Variants in TXNDC15 observed in about 807,000 individuals in gnomAD.
The protein encoded by TXNDC15 is thioredoxin domain-containing protein 15.
Under a neutral mutation model 35.0 loss-of-function variants are expected in TXNDC15, and 24 were observed. The ratio of observed to expected loss-of-function variants is 0.68; its 90% CI spans 0.50 to 0.96. TXNDC15 has a LOEUF of 0.96. Among genes scored for constraint, TXNDC15 ranks in the 40% least tolerant of loss-of-function variants. The pLI, the probability that TXNDC15 is intolerant of heterozygous loss-of-function variation, is 0.00. For synonymous variants in TXNDC15, 169 were observed against 174.0 expected, an observed-to-expected ratio of 0.97 and a Z score of 0.23; for missense variants, 385 against 453.3, an observed-to-expected ratio of 0.85 and a Z score of 1.37.
chr5:134,896,215 T>C, intron 3 of TXNDC15, 79 bp from the exon 4 acceptor site: 2 of 1,492,756 alleles, frequency 1.3e-6, no homozygotes, highest in Non-Finnish European at 1.8e-6. Flanking sequence ...TTTATTTCTG[T>C]CTATTCTGAG....
At chr5:134,879,413 TGAA>T (rs1750098056) in intron 1 of TXNDC15, among the ~76,000 whole-genome samples, 1 of 152,220 alleles carries the variant, frequency 6.6e-6, no homozygotes, top group Non-Finnish European at 1.5e-5. Context: ...AGCAAATCTC[TGAA>T]GAACTGTGGT....
chr5:134,874,354 C>T, upstream of TXNDC15: 2 of 1,331,622 alleles, frequency 1.5e-6, no homozygotes, highest in East Asian at 2.8e-5. Flanking sequence ...CTCCCAGGCT[C>T]TCCTCCCCCA....
intron 1 of TXNDC15, among the ~76,000 whole-genome samples, chr5:134,883,381 C>T (rs965215395): frequency 1.1e-4 from 17 of 151,680 alleles, no homozygotes; most frequent in Non-Finnish European, 1.9e-4. Flanking sequence ...TGAGTGAGAT[C>T]GTGCCACTGC....
In TXNDC15 at chr5:134,901,188, G is replaced by C. The variant is rs1189451889; in HGVS notation, c.*1503G>C. The C allele has an allele frequency of 6.6e-6, 1 of 152,174 alleles. No individual in the cohort carries two copies. The highest frequency in any genetic ancestry group is 6.5e-5 in the Admixed American group (1 of 15,268). The allele number at this position is 152,174 out of a possible 1,614,324, so 9.4% of individuals were successfully genotyped here. On this transcript the variant is annotated 3_prime_UTR_variant, in exon 5 of 5. Coordinates refer to ENST00000358387, the MANE Select transcript of TXNDC15 (RefSeq NM_024715.4). ...ATTACTTTTATACTAATTGTTTCCA[G>C]GGTTTTAGAGTAGTTGAATGTTTAT...
chr5:134,874,230 G>A (rs1048787468), upstream of TXNDC15: 25 of 550,812 alleles, frequency 4.5e-5, no homozygotes, highest in African/African-American at 1.8e-4. Context: ...AGCTCCTAAA[G>A]AGGTCTCCAG....
intron 1 of TXNDC15, among the ~76,000 whole-genome samples, chr5:134,878,953 C>G (rs112584020): frequency 3.3e-5 from 5 of 152,172 alleles, no homozygotes; most frequent in Non-Finnish European, 5.9e-5. Context: ...GAGCTGAGAT[C>G]GTGCCACTGC....
At chr5:134,890,876 T>A (rs984329347) in intron 2 of TXNDC15, among the ~76,000 whole-genome samples, 1 of 152,254 alleles carries the variant, frequency 6.6e-6, no homozygotes, top group Non-Finnish European at 1.5e-5. Context: ...CTAAATCCTT[T>A]GTCGTCATTT....
chr5:134,892,074 G>C (rs192741774), intron 2 of TXNDC15: 42 of 152,190 alleles, frequency 2.8e-4, no homozygotes, highest in Middle Eastern at 3.4e-3. Context: ...CCAATAGAAG[G>C]CTGTCTTATC....
Position 134,900,312 on chromosome 5 carries a change from A to G in TXNDC15, c.*627A>G, listed in dbSNP as rs1241319908. On this transcript the variant is annotated 3_prime_UTR_variant, in exon 5 of 5. Coordinates refer to ENST00000358387, the MANE Select transcript of TXNDC15 (RefSeq NM_024715.4). ...CTGTAACTAAAGCTCAATTATTATCAGTTCTATGCTAACGTATACATTTTA... is the reference window on the plus strand; with the variant it reads ...CTGTAACTAAAGCTCAATTATTATCGGTTCTATGCTAACGTATACATTTTA... 1 of 152,326 alleles carries G rather than the reference A, an allele frequency of 6.6e-6. No homozygotes were observed. The highest frequency in any genetic ancestry group is 2.4e-5 in the African/African-American group (1 of 41,470). The allele number at this position is 152,326 out of a possible 1,614,324, so 9.4% of individuals were successfully genotyped here.
intron 2 of TXNDC15, among the ~76,000 whole-genome samples, chr5:134,889,531 T>C (rs936938195): frequency 2.3e-4 from 35 of 152,220 alleles, no homozygotes; most frequent in African/African-American, 7.5e-4. Context: ...GCTAGGACAG[T>C]GTACTCTTGA....
At chr5:134,893,678 A>G (rs2150189640) in intron 3 of TXNDC15, 23 bp downstream of exon 3, 1 of 1,613,428 alleles carries the variant, frequency 6.2e-7, no homozygotes, top group East Asian at 2.2e-5. Flanking sequence ...GGTGGGGTTT[A>G]CGTCCATCCT....
chr5:134,901,525 A>G lies in TXNDC15; in HGVS notation c.*1840A>G, dbSNP rs1460099997. The G allele has an allele frequency of 6.6e-6, 1 of 152,204 alleles. No homozygotes were observed. Among genetic ancestry groups the G allele is most frequent in the Non-Finnish European group, 1.5e-5 (1 of 68,040 alleles). The allele number at this position is 152,204 out of a possible 1,614,324, so 9.4% of individuals were successfully genotyped here. A position where few individuals can be genotyped will look rare whatever the true frequency, so the allele number is the denominator to read the frequency against. The stretch of plus-strand genomic sequence containing the variant: ...ATGTAAGGAAAACTCTAGTGAGTCC[A>G]CCTCTTATATTGAGTTATTACTGTG... On this transcript the variant is annotated 3_prime_UTR_variant, in exon 5 of 5. Coordinates refer to ENST00000358387, the MANE Select transcript of TXNDC15 (RefSeq NM_024715.4).
chr5:134,899,971 T>C lies in TXNDC15; in HGVS notation c.*286T>C, dbSNP rs1443240012. On this transcript the variant is annotated 3_prime_UTR_variant, in exon 5 of 5. Transcript: ENST00000358387. Reference sequence around the variant, plus strand: ...TAATCCAGTTTGAAATGTGAAGATGTATTCCGGCAGAATAGTGAGTAGAAT... The same window carrying C: ...TAATCCAGTTTGAAATGTGAAGATGCATTCCGGCAGAATAGTGAGTAGAAT... 7 of 286,626 alleles carry C rather than the reference T, an allele frequency of 2.4e-5. No homozygotes were observed. Among genetic ancestry groups the C allele is most frequent in the Non-Finnish European group, 4.5e-5 (7 of 156,076 alleles). 17.8% of individuals were successfully genotyped at this position (286,626 alleles called of 1,614,324 possible).
chr5:134,884,874 G>A (rs971583363), intron 1 of TXNDC15, among the ~76,000 whole-genome samples: 1 of 149,162 alleles, frequency 6.7e-6, no homozygotes, highest in Non-Finnish European at 1.5e-5. Flanking sequence ...TGCCAGACAT[G>A]AATTTTACTT....
Position 134,900,340 on chromosome 5 carries a change from C to G in TXNDC15, c.*655C>G, listed in dbSNP as rs754390697. ...TCTATGCTAACGTATACATTTTAAT[C>G]ATAGTTACCTAAGCAGCATGCATTA... On this transcript the variant is annotated 3_prime_UTR_variant, in exon 5 of 5. Coordinates refer to ENST00000358387, the MANE Select transcript of TXNDC15 (RefSeq NM_024715.4). The G allele has an allele frequency of 2.0e-5, 3 of 152,232 alleles. No homozygotes were observed. The highest frequency in any genetic ancestry group is 6.5e-5 in the Admixed American group (1 of 15,288). The allele number at this position is 152,232 out of a possible 1,614,324, so 9.4% of individuals were successfully genotyped here.
intron 1 of TXNDC15, among the ~76,000 whole-genome samples, chr5:134,882,032 G>A (rs1750160881): frequency 6.7e-6 from 1 of 150,166 alleles, no homozygotes; most frequent in Non-Finnish European, 1.5e-5. Flanking sequence ...GGGCGGAGGG[G>A]CTCCTCACTT....
At chr5:134,882,323 A>G (rs1168022309) in intron 1 of TXNDC15, among the ~76,000 whole-genome samples, 1 of 139,984 alleles carries the variant, frequency 7.1e-6, no homozygotes, top group Non-Finnish European at 1.5e-5. Flanking sequence ...CCTAGATGGG[A>G]TGGCGGCCGG....
chr5:134,899,206 T>A (rs1430160463), intron 4 of TXNDC15, among the ~76,000 whole-genome samples: 1 of 152,206 alleles, frequency 6.6e-6, no homozygotes, highest in African/African-American at 2.4e-5. Flanking sequence ...ACAACTCTTA[T>A]AAACACATTG....
At chr5:134,896,510 T>TA in intron 4 of TXNDC15, 86 bp downstream of exon 4, 1 of 1,532,886 alleles carries the variant, frequency 6.5e-7, no homozygotes. Context: ...CTATAATCCT[T>TA]AAGTGAAGGA....
Sources: allele counts gnomAD v4.1 joint callset (sites outside exome capture counted in the v4.1 genomes callset), GRCh38; gene constraint gnomAD v4.1.1; transcripts MANE v1.5; gene names NCBI Gene and HGNC (gene_info 2026-07-23, HGNC 2026-07-21).